PCDHGA12: variants seen among roughly 807,000 people sequenced by gnomAD.
PCDHGA12 encodes protocadherin gamma subfamily A, 12.
A neutral mutation model predicts 61.1 loss-of-function variants in PCDHGA12; 43 were observed. The ratio of observed to expected loss-of-function variants is 0.70; its 90% CI spans 0.55 to 0.91. The LOEUF (loss-of-function observed/expected upper bound fraction) is 0.91. Among genes scored for constraint, PCDHGA12 ranks in the 40% least tolerant of loss-of-function variants. PCDHGA12 has a pLI of 0.00. For synonymous variants in PCDHGA12, 520 were observed against 542.9 expected (o/e 0.96, Z 0.59); for missense variants, 1,236 against 1,227.7 (o/e 1.01, Z -0.10).
rs575872277 is a variant in PCDHGA12, at chr5:141,511,848, G to A, written c.*675G>A. The A allele has an allele frequency of 6.4e-6, 1 of 156,684 alleles. No individual in the cohort carries two copies. The highest frequency in any genetic ancestry group is 2.0e-4 in the South Asian group (1 of 5,078). The allele number at this position is 156,684 out of a possible 1,614,324, so 9.7% of individuals were successfully genotyped here. A position where few individuals can be genotyped will look rare whatever the true frequency, so the allele number is the denominator to read the frequency against. ...GCCCTGGGGACCAGTCTTCTGTTTT[G>A]TTTTTCATTGTTTGACGTTTCCACT... On this transcript the variant is annotated 3_prime_UTR_variant, in exon 4 of 4. Transcript: ENST00000252085.
Position 141,431,794 on chromosome 5 carries a change from A to C in PCDHGA12, c.1035A>C (p.Pro345=). Residue 345 remains proline (P), a synonymous_variant, in exon 1 of 4, where the codon CCA becomes CCC. Coordinates refer to ENST00000252085, the MANE Select transcript of PCDHGA12 (RefSeq NM_003735.3). The surrounding 1 kb of genome is among the most constrained non-coding windows in gnomAD (Gnocchi z 4.8). The part of the protein sequence containing the change: ...ITVLDVNDNA[P]EVVLTSLASS... ...TTCTGGACGTGAACGACAATGCCCC[A>C]GAAGTGGTCCTCACCTCTCTCGCCA... 1 of 1,614,260 alleles carries C rather than the reference A, an allele frequency of 6.2e-7. No individual in the cohort carries two copies. Among genetic ancestry groups the C allele is most frequent in the Non-Finnish European group, 8.5e-7 (1 of 1,180,046 alleles).
chr5:141,483,660 G>GTCTGTA (rs2099584988), intron 1 of PCDHGA12, among the ~76,000 whole-genome samples: 1 of 152,094 alleles, frequency 6.6e-6, no homozygotes, highest in Non-Finnish European at 1.5e-5. Context: ...GTGTGTGTGT[G>GTCTGTA]TGTGTGTGTA....
chr5:141,506,177 G>T (rs1024892091), intron 3 of PCDHGA12, among the ~76,000 whole-genome samples: 4 of 152,142 alleles, frequency 2.6e-5, no homozygotes, highest in African/African-American at 9.7e-5. Context: ...TAAGCTGGGC[G>T]TGGTGGCTCA....
chr5:141,458,553 T>G (rs987591790), intron 1 of PCDHGA12, among the ~76,000 whole-genome samples: 24 of 146,852 alleles, frequency 1.6e-4, no homozygotes, highest in Non-Finnish European at 2.5e-4. Flanking sequence ...TGTTTGTTTG[T>G]TTTGGTTTTG....
At chr5:141,444,471 G>A (rs929365899) in intron 1 of PCDHGA12, among the ~76,000 whole-genome samples, 1 of 151,876 alleles carries the variant, frequency 6.6e-6, no homozygotes, top group Non-Finnish European at 1.5e-5. Flanking sequence ...GCGCCCGGTC[G>A]CGTACTGGAT....
At chr5:141,505,298 T>TA in intron 2 of PCDHGA12, 95 bp from the exon 3 acceptor site, 1 of 1,586,334 alleles carries the variant, frequency 6.3e-7, no homozygotes, top group Non-Finnish European at 8.6e-7. Context: ...GGGGTAGGGT[T>TA]AGGGTACTAG....
chr5:141,441,126 C>A (rs1319809408), intron 1 of PCDHGA12: 2 of 152,062 alleles, frequency 1.3e-5, no homozygotes, highest in Admixed American at 1.3e-4. Context: ...CAGTTGAGAC[C>A]GAATTTCTAG....
At chr5:141,437,652 A>T (rs899628392) in intron 1 of PCDHGA12, among the ~76,000 whole-genome samples, 1 of 152,196 alleles carries the variant, frequency 6.6e-6, no homozygotes, top group African/African-American at 2.4e-5. Context: ...AAGCAAACAC[A>T]TAGTTTCGAA....
chr5:141,477,992 G>T lies in PCDHGA12; in HGVS notation c.2425-16815G>T. The T allele has an allele frequency of 6.2e-7, 1 of 1,614,108 alleles. No individual in the cohort carries two copies. Among genetic ancestry groups the T allele is most frequent in the Non-Finnish European group, 8.5e-7 (1 of 1,180,024 alleles). On this transcript the variant is annotated intron_variant, in intron 1 of 3. Transcript: ENST00000252085. The surrounding 1 kb of genome is among the most constrained non-coding windows in gnomAD (Gnocchi z 4.9). Reference sequence around the variant, plus strand: ...CCTTTTTGCCATAGGGCTGCACACTGGTCAAATCAGTACTGCCCGTCCAGT... The same window carrying T: ...CCTTTTTGCCATAGGGCTGCACACTTGTCAAATCAGTACTGCCCGTCCAGT...
At chr5:141,492,423 G>C (rs1164828445) in intron 1 of PCDHGA12, among the ~76,000 whole-genome samples, 1 of 152,222 alleles carries the variant, frequency 6.6e-6, no homozygotes, top group African/African-American at 2.4e-5. Context: ...CCCTCCGCCG[G>C]GCTCAGGAGT....
At chr5:141,471,801 CAT>C (rs1165290367) in intron 1 of PCDHGA12, among the ~76,000 whole-genome samples, 1 of 152,114 alleles carries the variant, frequency 6.6e-6, no homozygotes, top group African/African-American at 2.4e-5. Context: ...ATATAAAAGA[CAT>C]ATAAAAGACT....
Position 141,477,068 on chromosome 5 carries a change from C to G in PCDHGA12, c.2425-17739C>G. The G allele has an allele frequency of 6.2e-7, 1 of 1,614,268 alleles. No individual in the cohort carries two copies. Among genetic ancestry groups the G allele is most frequent in the Non-Finnish European group, 8.5e-7 (1 of 1,180,046 alleles). On this transcript the variant is annotated intron_variant, in intron 1 of 3. Coordinates refer to ENST00000252085, the MANE Select transcript of PCDHGA12 (RefSeq NM_003735.3). This position sits in a 1 kb window ranked among gnomAD's most constrained non-coding sequence, Gnocchi z 4.9. ...GCTGGACTTCGAGGACACCAAACTC[C>G]ATGAGATTTACATCCAGGCCAAAGA...
intron 3 of PCDHGA12, among the ~76,000 whole-genome samples, chr5:141,509,064 C>T (rs890846779): frequency 6.6e-6 from 1 of 152,184 alleles, no homozygotes; most frequent in African/African-American, 2.4e-5. Flanking sequence ...AAGCTCTCAG[C>T]TCCGGGGATT....
chr5:141,479,324 C>G (rs2099492748), intron 1 of PCDHGA12: 1 of 152,556 alleles, frequency 6.6e-6, no homozygotes, highest in Admixed American at 6.5e-5. Context: ...TAGCCAGACT[C>G]AGTGGTGTGC....
intron 1 of PCDHGA12, among the ~76,000 whole-genome samples, chr5:141,458,526 A>T (rs921943954): frequency 1.7e-4 from 26 of 151,492 alleles, no homozygotes; most frequent in African/African-American, 5.6e-4. Flanking sequence ...TTTTTTTTTA[A>T]CTTATCAACT....
chr5:141,477,572 G>T lies in PCDHGA12; in HGVS notation c.2425-17235G>T, dbSNP rs375416133. The T allele has an allele frequency of 6.2e-7, 1 of 1,614,112 alleles. No homozygotes were observed. Among genetic ancestry groups the T allele is most frequent in the South Asian group, 1.1e-5 (1 of 91,072 alleles). ...AAACCTAAGTGTCTGGGACCCCGAC[G>T]CCCCGCAGAATGCTCGGCTTTCTTT... On this transcript the variant is annotated intron_variant, in intron 1 of 3. Transcript: ENST00000252085. The surrounding 1 kb of genome is among the most constrained non-coding windows in gnomAD (Gnocchi z 4.9).
intron 1 of PCDHGA12, among the ~76,000 whole-genome samples, chr5:141,439,380 G>C (rs1324859898): frequency 6.6e-6 from 1 of 152,158 alleles, no homozygotes; most frequent in East Asian, 1.9e-4. Flanking sequence ...ATAAAAATAA[G>C]TCATCACTTC....
intron 1 of PCDHGA12, among the ~76,000 whole-genome samples, chr5:141,452,375 G>A (rs1239059045): frequency 2.0e-5 from 3 of 152,194 alleles, no homozygotes; most frequent in African/African-American, 7.2e-5. Context: ...TTTTAGTAGG[G>A]AATAGTATTT....
intron 3 of PCDHGA12, 154 bp from the exon 4 acceptor site, chr5:141,510,793 G>A: frequency 1.1e-6 from 1 of 935,078 alleles, no homozygotes; most frequent in Non-Finnish European, 1.3e-6. Context: ...CTCTTGTGAA[G>A]AGAGACTACC....
Sources: gnomAD v4.1 joint callset for allele counts (sites outside exome capture counted in the v4.1 genomes callset) on GRCh38, gnomAD v4.1.1 for gene constraint, Gnocchi (gnomAD v3.1) non-coding constraint, MANE v1.5 for transcripts, NCBI Gene and HGNC (gene_info 2026-07-23, HGNC 2026-07-21) for gene names.